The following GCSAML variants were observed in gnomAD, a reference collection of about 807,000 sequenced individuals.
The protein encoded by GCSAML is germinal center associated signaling and motility like, also known as germinal center-associated signaling and motility-like protein.
Under a neutral mutation model 13.0 loss-of-function variants are expected in GCSAML, and 9 were observed. That is an observed-to-expected ratio of 0.69 (90% CI 0.42 to 1.21). The LOEUF is 1.21. GCSAML is among the 50% of genes most tolerant of loss of function. GCSAML has a pLI of 0.00. For missense variants in GCSAML, 143 were observed against 153.4 expected (o/e 0.93, Z 0.36); for synonymous variants, 37 against 52.9 (o/e 0.70, Z 1.31).
At chr1:247,549,250 T>C in intron 1 of GCSAML, 30 bp downstream of exon 1, 1 of 1,594,298 alleles carries the variant, frequency 6.3e-7, no homozygotes, top group East Asian at 2.2e-5. Context: ...GCCGCCTTTC[T>C]TGGGAGAAAG....
intron 3 of GCSAML, 27 bp from the exon 4 acceptor site, chr1:247,565,904 C>CTTT (rs367904043): frequency 3.7e-5 from 51 of 1,368,752 alleles, no homozygotes; most frequent in South Asian, 1.1e-4. Flanking sequence ...TCCTTTCTTT[C>CTTT]TTTTTTTTTT....
rs1668835958 is a variant in GCSAML, at chr1:247,576,396, T to G, written c.*2014T>G. 2 of 152,012 alleles carry G rather than the reference T, an allele frequency of 1.3e-5. No individual in the cohort carries two copies. The highest frequency in any genetic ancestry group is 1.5e-5 in the Non-Finnish European group (1 of 68,028). The allele number at this position is 152,012 out of a possible 1,614,324, so 9.4% of individuals were successfully genotyped here. A position where few individuals can be genotyped will look rare whatever the true frequency, so the allele number is the denominator to read the frequency against. ...CTCGTTTCTACAAATAATTAAAAAA[T>G]TAGCCAGGTGTGGTGGTGCACACCT... On this transcript the variant is annotated 3_prime_UTR_variant, in exon 5 of 5. Transcript: ENST00000366488.
At chr1:247,573,724 G>A (rs925999955) in intron 4 of GCSAML, among the ~76,000 whole-genome samples, 17 of 152,148 alleles carry the variant, frequency 1.1e-4, no homozygotes, top group African/African-American at 2.4e-5. Flanking sequence ...CTAGTTCTGC[G>A]AAGAAAGTCG....
At chr1:247,533,465 T>A (rs933129374) in intron 2 of GCSAML, 3 of 152,200 alleles carry the variant, frequency 2.0e-5, no homozygotes, top group Non-Finnish European at 4.4e-5. Flanking sequence ...TCCCTCCACC[T>A]TTCTGTGTTA....
intron 1 of GCSAML, among the ~76,000 whole-genome samples, chr1:247,512,127 T>C (rs757810487): frequency 1.3e-5 from 2 of 152,184 alleles, no homozygotes; most frequent in African/African-American, 4.8e-5. Flanking sequence ...ATTCTCCCTG[T>C]CACTTTCAGG....
upstream of GCSAML, among the ~76,000 whole-genome samples, chr1:247,546,459 C>T (rs368789225): frequency 4.5e-4 from 69 of 152,096 alleles, no homozygotes; most frequent in African/African-American, 1.4e-3. Flanking sequence ...TCCGGGTTCA[C>T]GCCATTCTCC....
At chr1:247,533,550 T>C (rs553292791) in intron 2 of GCSAML, 13 of 152,350 alleles carry the variant, frequency 8.5e-5, no homozygotes, top group African/African-American at 3.1e-4. Context: ...CAGAGAGGTC[T>C]TATTGCATAC....
intron 1 of GCSAML, among the ~76,000 whole-genome samples, chr1:247,551,490 G>A (rs1360643200): frequency 6.6e-6 from 1 of 152,180 alleles, no homozygotes; most frequent in Non-Finnish European, 1.5e-5. Context: ...GGAGAAAAAT[G>A]CAATGTGGCA....
intron 4 of GCSAML, among the ~76,000 whole-genome samples, chr1:247,566,440 C>G (rs1342930911): frequency 6.6e-6 from 1 of 152,122 alleles, no homozygotes; most frequent in Non-Finnish European, 1.5e-5. Context: ...CAGGGTTTCA[C>G]TATGTTGGCC....
In GCSAML at chr1:247,576,847, G is replaced by A. The variant is rs1035946375; in HGVS notation, c.*2465G>A. The stretch of plus-strand genomic sequence containing the variant: ...AAAATGACAAAATTTTTTACTTTTC[G>A]TCTGCCTTTGTAGCTGTTTTATGAT... On this transcript the variant is annotated 3_prime_UTR_variant, in exon 5 of 5. Coordinates refer to ENST00000366488, the MANE Select transcript of GCSAML (RefSeq NM_145278.5). 8.5e-5 allele frequency: 13 copies of A among 152,082 alleles called. No homozygotes were observed. The highest frequency in any genetic ancestry group is 3.9e-4 in the Admixed American group (6 of 15,268). The allele number at this position is 152,082 out of a possible 1,614,324, so 9.4% of individuals were successfully genotyped here.
intron 2 of GCSAML, chr1:247,530,131 G>A (rs1044004218): frequency 2.0e-5 from 3 of 151,982 alleles, no homozygotes; most frequent in African/African-American, 7.3e-5. Flanking sequence ...GAAGATCCTA[G>A]TACGAAAGGA....
intron 1 of GCSAML, among the ~76,000 whole-genome samples, chr1:247,514,666 C>A (rs1385223033): frequency 1.3e-5 from 2 of 152,158 alleles, no homozygotes; most frequent in East Asian, 3.9e-4. Context: ...AGAGGAGGAT[C>A]CAGTTTCATT....
chr1:247,570,324 G>A (rs910189627), intron 4 of GCSAML, among the ~76,000 whole-genome samples: 14 of 151,970 alleles, frequency 9.2e-5, no homozygotes, highest in African/African-American at 1.9e-4. Flanking sequence ...GATCTTTCCC[G>A]CTTTCTTCTG....
chr1:247,564,972 T>C (rs1668282865), intron 3 of GCSAML, among the ~76,000 whole-genome samples: 1 of 152,142 alleles, frequency 6.6e-6, no homozygotes, highest in African/African-American at 2.4e-5. Context: ...TATTTCATGA[T>C]CTAGACATCA....
At chr1:247,550,503 G>C (rs893899977) in intron 1 of GCSAML, among the ~76,000 whole-genome samples, 3 of 152,120 alleles carry the variant, frequency 2.0e-5, no homozygotes, top group African/African-American at 7.2e-5. Context: ...CGGGCGTGGT[G>C]GTGGGCACCT....
intron 4 of GCSAML, among the ~76,000 whole-genome samples, chr1:247,573,086 G>A (rs983858124): frequency 6.6e-6 from 1 of 152,228 alleles, no homozygotes; most frequent in Non-Finnish European, 1.5e-5. Flanking sequence ...TTTCAAGCCA[G>A]AGGATCTTAG....
rs4925678 is a variant in GCSAML, at chr1:247,514,790, C to T, written c.-263+7557C>T. Reference sequence around the variant, plus strand: ...AATTGACTGTATTTAGCTTTAATTACGGTTTCTTTATTCTGTTCCATTGGT... The same window carrying T: ...AATTGACTGTATTTAGCTTTAATTATGGTTTCTTTATTCTGTTCCATTGGT... On this transcript the variant is annotated intron_variant, in intron 1 of 5. Coordinates refer to the GCSAML transcript ENST00000366489. Among the ~76,000 whole-genome samples the T allele has an allele frequency of 3.1e-3, 471 of 152,222 alleles. 3 individuals carry two copies. In the East Asian group the frequency reaches 0.033, roughly 11 times the overall value.
In GCSAML at chr1:247,575,437, T is replaced by C. The variant is rs576767426; in HGVS notation, c.*1055T>C. ...CCCATCCAATTACCTATTTCATCTT[T>C]GAGGTGTAATCTACTCAATAAACTG... On this transcript the variant is annotated 3_prime_UTR_variant, in exon 5 of 5. Coordinates refer to ENST00000366488, the MANE Select transcript of GCSAML (RefSeq NM_145278.5). 1 of 152,360 alleles carries C rather than the reference T, an allele frequency of 6.6e-6. No homozygotes were observed. The highest frequency in any genetic ancestry group is 1.5e-5 in the Non-Finnish European group (1 of 68,030). The allele number at this position is 152,360 out of a possible 1,614,324, so 9.4% of individuals were successfully genotyped here. A position where few individuals can be genotyped will look rare whatever the true frequency, so the allele number is the denominator to read the frequency against.
intron 1 of GCSAML, among the ~76,000 whole-genome samples, chr1:247,515,323 T>C (rs569172385): frequency 3.3e-5 from 5 of 152,260 alleles, no homozygotes; most frequent in Admixed American, 6.5e-5. Context: ...GTGTGAAGTT[T>C]GTGGTTGAGA....
Sources: gnomAD v4.1 joint callset for allele counts (sites outside exome capture counted in the v4.1 genomes callset) on GRCh38, gnomAD v4.1.1 for gene constraint, MANE v1.5 for transcripts, NCBI Gene and HGNC (gene_info 2026-07-23, HGNC 2026-07-21) for gene names.